PHLDB1: variants seen among roughly 807,000 people sequenced by gnomAD.
PHLDB1 encodes the protein pleckstrin homology like domain family B member 1, also known as pleckstrin homology-like domain family B member 1.
PHLDB1 carries 65 observed loss-of-function variants against 139.3 expected under a neutral mutation model. That is an observed-to-expected ratio of 0.47 (90% CI 0.38 to 0.57). The LOEUF (loss-of-function observed/expected upper bound fraction) is 0.57. Ranked by LOEUF, PHLDB1 falls within the 20% of genes least tolerant of loss-of-function variation. The probability of loss-of-function intolerance (pLI) is 0.00; values close to 1 mark genes in which losing one functional copy is unlikely to be tolerated. For synonymous variants in PHLDB1, 679 were observed against 734.5 expected, an observed-to-expected ratio of 0.92 and a Z score of 1.22; for missense variants, 1,624 against 1,839.7, an observed-to-expected ratio of 0.88 and a Z score of 2.14.
intron 1 of PHLDB1, among the ~76,000 whole-genome samples, chr11:118,612,068 C>A (rs1245765539): frequency 6.6e-6 from 1 of 151,632 alleles, no homozygotes; most frequent in African/African-American, 2.4e-5. Context: ...ACCCCACCCC[C>A]ACCAAACTTG....
rs576902277 is a variant in PHLDB1, at chr11:118,627,219, A to G, written c.482-86A>G. 3.4e-5 allele frequency: 45 copies of G among 1,329,782 alleles called. No homozygotes were observed. The African/African-American group carries it at 6.2e-4, about 18-fold the overall frequency. The allele number at this position is 1,329,782 out of a possible 1,614,324, so 82.4% of individuals were successfully genotyped here. A position where few individuals can be genotyped will look rare whatever the true frequency, so the allele number is the denominator to read the frequency against. ...TCTTCTCCAGAGCCTTGTTAGCCTCACTGTGCTAGGAGGAGGGGGGCTAGT... is the reference window on the plus strand; with the variant it reads ...TCTTCTCCAGAGCCTTGTTAGCCTCGCTGTGCTAGGAGGAGGGGGGCTAGT... On this transcript the variant is annotated intron_variant, in intron 5 of 22. Coordinates refer to ENST00000600882, the MANE Select transcript of PHLDB1 (RefSeq NM_001144758.3).
rs1230639111 is a variant in PHLDB1 at position 118,631,245 on chromosome 11, C to T, written c.1866C>T (p.Ala622=). The T allele has an allele frequency of 5.5e-6, 8 of 1,461,538 alleles. No homozygotes were observed. The highest frequency in any genetic ancestry group is 5.2e-5 in the Admixed American group (2 of 38,278). 90.5% of individuals were successfully genotyped at this position (1,461,538 alleles called of 1,614,324 possible). A position where few individuals can be genotyped will look rare whatever the true frequency, so the allele number is the denominator to read the frequency against. ...QRLETILNLC[A]EYSRADGGPE... ...TGGAGACCATCCTGAACCTGTGTGC[C>T]GAATACAGCCGGGCTGATGGGGGAC... is the stretch of plus-strand genomic sequence containing the variant. Residue 622 remains alanine, a synonymous_variant, in exon 7 of 23, where the codon GCC becomes GCT. Transcript: ENST00000600882.
Position 118,628,283 on chromosome 11 carries a change from CAG to C in PHLDB1, c.1465_1466del (p.Pro490SerfsTer25). On this transcript the variant is annotated frameshift_variant, in exon 6 of 23. Coordinates refer to ENST00000600882, the MANE Select transcript of PHLDB1 (RefSeq NM_001144758.3). LOFTEE classifies it high-confidence loss of function. ...GATCCCAAGCTAAACAGGGAAGTGG[CAG>C]AGAGTCCTCGGCCCCGGCGCTGGGC... The C allele has an allele frequency of 1.2e-6, 2 of 1,614,034 alleles. No individual in the cohort carries two copies. The highest frequency in any genetic ancestry group is 8.5e-7 in the Non-Finnish European group (1 of 1,180,002).
chr11:118,616,161 C>A lies in PHLDB1; in HGVS notation c.305C>A (p.Ala102Asp). The A allele has an allele frequency of 6.2e-7, 1 of 1,614,140 alleles. No homozygotes were observed. The change falls in exon 4 of 23, where the codon GCC becomes GAC. Residue 102 changes from alanine (A) to aspartate (D), a missense_variant. Transcript: ENST00000600882. ...CTCACCCTCTACCCCTGTGGCAATG[C>A]CTGCACTATTGATGGGCTCCCTGTC... ...GTLTLYPCGN[A>D]CTIDGLPVRQ...
At position 118,654,464 on chromosome 11, in the gene PHLDB1, A is replaced by G. The variant is rs193118792; in HGVS notation, c.3875-1141A>G. ...ATATATAAAAAGGTTTAAATTGAGA[A>G]TTATGCCCCACCCACTACAGTAACT... On this transcript the variant is annotated intron_variant, in intron 20 of 22. Coordinates refer to ENST00000600882, the MANE Select transcript of PHLDB1 (RefSeq NM_001144758.3). 24 of 152,242 alleles carry G rather than the reference A, an allele frequency of 1.6e-4. No homozygotes were observed. In the East Asian group the frequency reaches 4.4e-3, roughly 28 times the overall value. The allele number at this position is 152,242 out of a possible 1,614,324, so 9.4% of individuals were successfully genotyped here.
Position 118,608,128 on chromosome 11 carries a change from G to T in PHLDB1, c.-22+429G>T, listed in dbSNP as rs1394310425. On this transcript the variant is annotated intron_variant, in intron 1 of 22. Transcript: ENST00000600882. The surrounding 1 kb of genome is among the most constrained non-coding windows in gnomAD (Gnocchi z 6.7). ...CTCTCCGCCCACAGCAGGACCTTGGGGCGGGGGTATCTCCTGTGACGTCTC... is the reference window on the plus strand; with the variant it reads ...CTCTCCGCCCACAGCAGGACCTTGGTGCGGGGGTATCTCCTGTGACGTCTC... Among the ~76,000 whole-genome samples, 1 of 152,040 alleles carries T rather than the reference G, an allele frequency of 6.6e-6. No individual in the cohort carries two copies. The highest frequency in any genetic ancestry group is 1.5e-5 in the Non-Finnish European group (1 of 67,970).
At chr11:118,629,229 G>A (rs1304500491) in intron 6 of PHLDB1, among the ~76,000 whole-genome samples, 1 of 152,256 alleles carries the variant, frequency 6.6e-6, no homozygotes, top group Non-Finnish European at 1.5e-5. Context: ...ATCTAGGAGT[G>A]CAGGTGGCAG....
intron 10 of PHLDB1, chr11:118,637,172 T>C (rs527264040): frequency 6.6e-6 from 1 of 152,334 alleles, no homozygotes; most frequent in East Asian, 1.9e-4. Context: ...TCTTAGCTCC[T>C]AAATATGTTG....
chr11:118,609,931 C>T (rs1237976148), intron 1 of PHLDB1, among the ~76,000 whole-genome samples: 1 of 152,102 alleles, frequency 6.6e-6, no homozygotes, highest in Non-Finnish European at 1.5e-5. Flanking sequence ...TCCCGGCTCC[C>T]CCTCTCCTCG....
At chr11:118,624,662 C>G in intron 4 of PHLDB1, 1 of 270,236 alleles carries the variant, frequency 3.7e-6, no homozygotes, top group South Asian at 2.9e-5. Context: ...AGTGCAGTGG[C>G]ATGATCTCAG....
Position 118,635,531 on chromosome 11 carries a change from A to G in PHLDB1, c.2518A>G (p.Ser840Gly), listed in dbSNP as rs1945501516. 4.5e-6 allele frequency: 7 copies of G among 1,560,572 alleles called. No homozygotes were observed. The highest frequency in any genetic ancestry group is 6.1e-6 in the Non-Finnish European group (7 of 1,154,442). ...LLRSKAELLR[S>G]IAKRKERLAI... ...CCGGAGCAAGGCTGAGCTGCTCCGC[A>G]GCATCGCCAAGAGGAAGGTGTGCCC... The change falls in exon 10 of 23, where the codon AGC becomes GGC. Residue 840 changes from serine (S) to glycine (G), a missense_variant. Ser to Gly is a moderately conservative substitution (Grantham distance 56). Coordinates refer to ENST00000600882, the MANE Select transcript of PHLDB1 (RefSeq NM_001144758.3).
intron 12 of PHLDB1, chr11:118,641,765 CCAT>C: frequency 3.1e-6 from 4 of 1,289,722 alleles, no homozygotes; most frequent in Non-Finnish European, 4.0e-6. Context: ...TCGTTCGCTT[CCAT>C]CACGCCTTCA....
intron 18 of PHLDB1, among the ~76,000 whole-genome samples, chr11:118,648,830 G>A (rs755525536): frequency 2.2e-4 from 34 of 152,166 alleles, no homozygotes; most frequent in Non-Finnish European, 4.1e-4. Flanking sequence ...ATGAGAATCT[G>A]TAGGACTTAG....
At chr11:118,622,247 G>A (rs987757041) in intron 4 of PHLDB1, among the ~76,000 whole-genome samples, 1 of 152,210 alleles carries the variant, frequency 6.6e-6, no homozygotes, top group Non-Finnish European at 1.5e-5. Context: ...GCCTTTGCGG[G>A]TTGGGGTGGG....
At chr11:118,642,175 T>TCCTTTC (rs782619263) in intron 12 of PHLDB1, 79 bp from the exon 13 acceptor site, 5 of 1,341,000 alleles carry the variant, frequency 3.7e-6, no homozygotes, top group Non-Finnish European at 3.2e-6. Context: ...TCCTGCCTTT[T>TCCTTTC]CCTTTCCCTT....
rs1949158781 is a variant in PHLDB1 at position 118,657,238 on chromosome 11, C to G, written c.*415C>G. On this transcript the variant is annotated 3_prime_UTR_variant, in exon 23 of 23. Transcript: ENST00000600882. ...CTCAGGCGGCCCGCTTCCCATTTCTCAAACCCCGCTCTGCCCCATTGTTCT... is the reference window on the plus strand; with the variant it reads ...CTCAGGCGGCCCGCTTCCCATTTCTGAAACCCCGCTCTGCCCCATTGTTCT... 6.1e-6 allele frequency: 1 copy of G among 162,900 alleles called. No individual in the cohort carries two copies. Among genetic ancestry groups the G allele is most frequent in the East Asian group, 1.8e-4 (1 of 5,708 alleles). The allele number at this position is 162,900 out of a possible 1,614,324, so 10.1% of individuals were successfully genotyped here.
At chr11:118,640,809 G>T (rs1207351670) in intron 12 of PHLDB1, 1 of 152,268 alleles carries the variant, frequency 6.6e-6, no homozygotes, top group African/African-American at 2.4e-5. Flanking sequence ...TTCTTTGCCT[G>T]CCCCCAGCCC....
intron 9 of PHLDB1, chr11:118,633,971 T>A (rs1485574002): frequency 6.5e-6 from 1 of 152,902 alleles, no homozygotes; most frequent in African/African-American, 2.4e-5. Context: ...GCTGTGGTAG[T>A]GATGGTGGTG....
Position 118,655,588 on chromosome 11 carries a change from C to G in PHLDB1, c.3875-17C>G. On this transcript the variant is annotated splice_polypyrimidine_tract_variant and intron_variant, in intron 20 of 22. Coordinates refer to ENST00000600882, the MANE Select transcript of PHLDB1 (RefSeq NM_001144758.3). ...AAGTGTGACCGGCTCCATAGCCCAC[C>G]CTTACTTGCTTTGCAGACAAGCATG... The G allele has an allele frequency of 1.3e-6, 2 of 1,567,000 alleles. No individual in the cohort carries two copies. The highest frequency in any genetic ancestry group is 8.8e-7 in the Non-Finnish European group (1 of 1,137,374).
Sources: allele counts gnomAD v4.1 joint callset (sites outside exome capture counted in the v4.1 genomes callset), GRCh38; gene constraint gnomAD v4.1.1; non-coding constraint Gnocchi (gnomAD v3.1); transcripts MANE v1.5; gene names NCBI Gene and HGNC (gene_info 2026-07-23, HGNC 2026-07-21).